Variants in MARCHF1 observed in about 807,000 individuals in gnomAD.
MARCHF1 encodes the protein membrane associated ring-CH-type finger 1.
Under a neutral mutation model 54.2 loss-of-function variants are expected in MARCHF1, and 40 were observed. That is an observed-to-expected ratio of 0.74 (90% confidence interval 0.57 to 0.96). MARCHF1 has a LOEUF of 0.96. Ranked by LOEUF, MARCHF1 falls within the 40% of genes least tolerant of loss-of-function variation. The pLI, the probability that MARCHF1 is intolerant of heterozygous loss-of-function variation, is 0.00. For missense variants in MARCHF1, 586 were observed against 656.5 expected (o/e 0.89, Z 1.17); for synonymous variants, 236 against 236.3 (o/e 1.00, Z 0.01).
intron 1 of MARCHF1, among the ~76,000 whole-genome samples, chr4:164,332,513 G>A (rs1294870690): frequency 6.6e-6 from 1 of 152,176 alleles, no homozygotes; most frequent in Non-Finnish European, 1.5e-5. Context: ...GTGGAGCAGG[G>A]GAAGATGCTG....
chr4:163,886,171 A>G (rs1750527908), intron 3 of MARCHF1, among the ~76,000 whole-genome samples: 2 of 150,172 alleles, frequency 1.3e-5, no homozygotes, highest in African/African-American at 2.4e-5. Context: ...ATAGATCTAT[A>G]TATCTATAGA....
chr4:164,165,750 G>A (rs775029986), intron 1 of MARCHF1, among the ~76,000 whole-genome samples: 3 of 151,936 alleles, frequency 2.0e-5, no homozygotes, highest in Non-Finnish European at 2.9e-5. Context: ...GATGTGCATT[G>A]AACTTGCTGA....
chr4:164,066,945 A>G lies in MARCHF1; in HGVS notation c.-248+44643T>C, dbSNP rs951028251. Among the ~76,000 whole-genome samples the G allele has an allele frequency of 2.0e-5, 3 of 152,128 alleles. No individual in the cohort carries two copies. The East Asian group carries it at 5.8e-4, about 29-fold the overall frequency. On this transcript the variant is annotated intron_variant, in intron 2 of 9. Transcript: ENST00000514618. ...CTAAGCTTAATATCAGGGTGATAAAATAATCTGTACAATAAACCCCCATGA... is the reference window on the plus strand; with the variant it reads ...CTAAGCTTAATATCAGGGTGATAAAGTAATCTGTACAATAAACCCCCATGA...
At chr4:164,351,292 C>T (rs1730321951) in intron 1 of MARCHF1, among the ~76,000 whole-genome samples, 1 of 150,898 alleles carries the variant, frequency 6.6e-6, no homozygotes, top group Non-Finnish European at 1.5e-5. Context: ...CCTCTGTAGG[C>T]TCCACCTCTG....
At chr4:164,228,083 C>G (rs1232929203) in intron 1 of MARCHF1, among the ~76,000 whole-genome samples, 1 of 152,140 alleles carries the variant, frequency 6.6e-6, no homozygotes, top group Non-Finnish European at 1.5e-5. Flanking sequence ...TATTACACAT[C>G]TAATAAGTTC....
chr4:163,840,215 A>G (rs1264477650), intron 4 of MARCHF1, among the ~76,000 whole-genome samples: 1 of 152,086 alleles, frequency 6.6e-6, no homozygotes, highest in Admixed American at 6.6e-5. Context: ...ATCTTTATTC[A>G]CTGTAATGGT....
chr4:163,678,896 T>C (rs544797824), intron 5 of MARCHF1, among the ~76,000 whole-genome samples: 1 of 152,330 alleles, frequency 6.6e-6, no homozygotes, highest in African/African-American at 2.4e-5. Context: ...AGCAGCTCCT[T>C]GTAGATAAAA....
At chr4:163,577,452 T>C (rs1740077093) in intron 8 of MARCHF1, among the ~76,000 whole-genome samples, 1 of 152,116 alleles carries the variant, frequency 6.6e-6, no homozygotes. Flanking sequence ...AAGTCCACTG[T>C]TAGCCTAATG....
intron 3 of MARCHF1, among the ~76,000 whole-genome samples, chr4:163,954,363 T>C (rs1486434850): frequency 6.6e-6 from 1 of 152,142 alleles, no homozygotes. Context: ...TCTTGGATGA[T>C]TAATATAGCA....
Position 164,267,826 on chromosome 4 carries a change from C to G in MARCHF1, c.-323+116044G>C, listed in dbSNP as rs1310587241. Among the ~76,000 whole-genome samples the G allele has an allele frequency of 3.9e-5, 6 of 152,112 alleles. No homozygotes were observed. In the East Asian group the frequency reaches 1.2e-3, roughly 29 times the overall value. Reference sequence around the variant, plus strand: ...CAAATAAATTTCCCTACGGTCTCAGCTCTGAGTGGACAGAGAAAATGTTCC... The same window carrying G: ...CAAATAAATTTCCCTACGGTCTCAGGTCTGAGTGGACAGAGAAAATGTTCC... On this transcript the variant is annotated intron_variant, in intron 1 of 9. Transcript: ENST00000514618.
chr4:163,943,470 C>G (rs1454682096), intron 3 of MARCHF1, among the ~76,000 whole-genome samples: 1 of 152,044 alleles, frequency 6.6e-6, no homozygotes, highest in Non-Finnish European at 1.5e-5. Context: ...TTTTTGTTAG[C>G]TTTGTTGAAG....
At chr4:164,197,119 T>A (rs2111069612) in intron 1 of MARCHF1, 1 of 1,605,838 alleles carries the variant, frequency 6.2e-7, no homozygotes, top group East Asian at 2.2e-5. Flanking sequence ...TCCACTCACG[T>A]CCTCCTCTTC....
intron 1 of MARCHF1, among the ~76,000 whole-genome samples, chr4:164,329,115 T>G (rs1735359268): frequency 6.6e-6 from 1 of 152,332 alleles, no homozygotes; most frequent in South Asian, 2.1e-4. Flanking sequence ...TATTCAATCA[T>G]TTGATCCTTG....
intron 2 of MARCHF1, among the ~76,000 whole-genome samples, chr4:164,049,239 T>G (rs776494940): frequency 1.3e-5 from 2 of 152,086 alleles, no homozygotes; most frequent in East Asian, 3.9e-4. Context: ...GTGCCACACT[T>G]AAAACCATCA....
intron 2 of MARCHF1, among the ~76,000 whole-genome samples, chr4:164,064,004 T>C (rs911214753): frequency 6.6e-6 from 1 of 152,226 alleles, no homozygotes; most frequent in Non-Finnish European, 1.5e-5. Context: ...TTCTCTGTTC[T>C]GTTCCATTGG....
intron 1 of MARCHF1, among the ~76,000 whole-genome samples, chr4:164,224,946 G>T (rs1732209781): frequency 6.6e-6 from 1 of 151,870 alleles, no homozygotes. Flanking sequence ...TTAATTTTAT[G>T]ACCAAAAATC....
chr4:164,044,986 G>C (rs1446442358), intron 2 of MARCHF1, among the ~76,000 whole-genome samples: 1 of 152,034 alleles, frequency 6.6e-6, no homozygotes, highest in African/African-American at 2.4e-5. Flanking sequence ...ATAAAACTTA[G>C]AGTAAGAACC....
intron 1 of MARCHF1, among the ~76,000 whole-genome samples, chr4:164,136,085 T>C (rs1177209980): frequency 6.6e-6 from 1 of 152,066 alleles, no homozygotes; most frequent in African/African-American, 2.4e-5. Flanking sequence ...TCCATTTTTT[T>C]TTTTCCTGTG....
chr4:163,585,219 C>A (rs1041510378), intron 8 of MARCHF1: 1 of 152,148 alleles, frequency 6.6e-6, no homozygotes, highest in African/African-American at 2.4e-5. Flanking sequence ...TTTATTTCTA[C>A]CTACTCTAAT....
Sources: gnomAD v4.1 joint callset for allele counts (sites outside exome capture counted in the v4.1 genomes callset) on GRCh38, gnomAD v4.1.1 for gene constraint, MANE v1.5 for transcripts, NCBI Gene and HGNC (gene_info 2026-07-23, HGNC 2026-07-21) for gene names.